The following TRIO variants were observed in gnomAD, a reference collection of about 807,000 sequenced individuals.
The protein encoded by TRIO is triple functional domain protein.
TRIO carries 58 observed loss-of-function variants against 351.9 expected under a neutral mutation model. The observed-to-expected ratio is 0.16, with a 90% CI of 0.13 to 0.21. The LOEUF is 0.21. TRIO is among the 10% of genes least tolerant of loss of function. The probability of loss-of-function intolerance (pLI) is 1.00; values close to 1 mark genes in which losing one functional copy is unlikely to be tolerated. For synonymous variants in TRIO, 1,758 were observed against 1,595.7 expected (o/e 1.10, Z -2.42); for missense variants, 3,201 against 4,027.8 (o/e 0.79, Z 5.56).
chr5:14,219,484 G>A (rs927618886), intron 1 of TRIO, among the ~76,000 whole-genome samples: 4 of 152,334 alleles, frequency 2.6e-5, no homozygotes, highest in Admixed American at 2.0e-4. Context: ...CCGCGTGTTT[G>A]GATGGCTCTA....
chr5:14,466,645 C>T (rs1754282769), intron 37 of TRIO, among the ~76,000 whole-genome samples: 1 of 152,234 alleles, frequency 6.6e-6, no homozygotes, highest in Non-Finnish European at 1.5e-5. Flanking sequence ...AGCAGCTCCT[C>T]CCAAAGTAAA....
intron 37 of TRIO, among the ~76,000 whole-genome samples, chr5:14,469,909 A>G (rs1754558127): frequency 6.6e-6 from 1 of 151,992 alleles, no homozygotes; most frequent in Non-Finnish European, 1.5e-5. Context: ...GTTTTTTCTC[A>G]CTGTTCAAAT....
Position 14,291,142 on chromosome 5 carries a change from C to A in TRIO, c.967C>A (p.Gln323Lys). 1.2e-6 allele frequency: 2 copies of A among 1,614,194 alleles called. No homozygotes were observed. The highest frequency in any genetic ancestry group is 8.5e-7 in the Non-Finnish European group (1 of 1,180,038). ...TMLDRLHSTR[Q>K]HLHQMWHVRK... is the part of the protein sequence containing the mutation. ...GCTGGACCGGCTGCACTCGACACGG[C>A]AGCATCTGCACCAGATGTGGCATGT... is the stretch of plus-strand genomic sequence containing the variant. The change falls in exon 5 of 57, where the codon CAG (glutamine) becomes AAG (lysine). Residue 323 changes from glutamine (Q) to lysine (K), a missense_variant. Physicochemically the swap from Gln to Lys is moderately conservative, Grantham distance 53. Coordinates refer to ENST00000344204, the MANE Select transcript of TRIO (RefSeq NM_007118.4).
intron 47 of TRIO, among the ~76,000 whole-genome samples, chr5:14,485,981 T>C (rs879324613): frequency 6.6e-6 from 1 of 150,834 alleles, no homozygotes; most frequent in Non-Finnish European, 1.5e-5. Flanking sequence ...AGAGTGAAAC[T>C]CTGTCTCAAA....
intron 30 of TRIO, 112 bp downstream of exon 30, chr5:14,399,182 A>C (rs1747859222): frequency 1.9e-6 from 2 of 1,036,544 alleles, no homozygotes; most frequent in Admixed American, 4.1e-5. Context: ...TCTGTCCTGA[A>C]ATGTTCAAGT....
chr5:14,478,773 G>A (rs1339350120), intron 41 of TRIO, among the ~76,000 whole-genome samples: 1 of 138,656 alleles, frequency 7.2e-6, no homozygotes, highest in Non-Finnish European at 1.5e-5. Flanking sequence ...GAAAAAGCAG[G>A]ACTCCATCCC....
At chr5:14,400,622 C>T (rs988947760) in intron 30 of TRIO, among the ~76,000 whole-genome samples, 3 of 152,200 alleles carry the variant, frequency 2.0e-5, no homozygotes, top group Non-Finnish European at 4.4e-5. Context: ...AGGAAAGACT[C>T]ATTTTGCAGT....
intron 48 of TRIO, among the ~76,000 whole-genome samples, chr5:14,490,589 G>T (rs1756411339): frequency 6.6e-6 from 1 of 152,228 alleles, no homozygotes. Context: ...CTCCAGCCCT[G>T]CCTTTCTTGC....
chr5:14,271,552 G>C (rs1379175899), intron 2 of TRIO, among the ~76,000 whole-genome samples: 1 of 152,146 alleles, frequency 6.6e-6, no homozygotes, highest in Non-Finnish European at 1.5e-5. Context: ...GGCCGTTTTG[G>C]ACTGTCTTCT....
At chr5:14,419,616 T>G (rs1473087611) in intron 33 of TRIO, among the ~76,000 whole-genome samples, 162 bp from the exon 34 acceptor site, 1 of 152,064 alleles carries the variant, frequency 6.6e-6, no homozygotes, top group Non-Finnish European at 1.5e-5. Flanking sequence ...TTATGAAAAA[T>G]CATATTTTCA....
chr5:14,330,646 A>C, intron 9 of TRIO, 132 bp from the exon 10 acceptor site: 1 of 1,135,854 alleles, frequency 8.8e-7, no homozygotes, highest in Non-Finnish European at 1.2e-6. Flanking sequence ...ACTTCTTCCC[A>C]TTTTTTTTTC....
At chr5:14,422,581 G>A (rs1750264786) in intron 34 of TRIO, among the ~76,000 whole-genome samples, 1 of 152,218 alleles carries the variant, frequency 6.6e-6, no homozygotes, top group Non-Finnish European at 1.5e-5. Context: ...ATCATGATGA[G>A]CCGTGCTCAG....
At chr5:14,485,047 A>G (rs757665151) in intron 46 of TRIO, 22 bp from the exon 47 acceptor site, 24 of 1,519,214 alleles carry the variant, frequency 1.6e-5, no homozygotes, top group Non-Finnish European at 2.0e-5. Flanking sequence ...GCTATTATGA[A>G]TAATGTTTTT....
Position 14,280,308 on chromosome 5 carries a change from T to C in TRIO, c.233-14T>C. ...ATCTTGTGTCTAAGTGTATTCCTAA[T>C]GTTTGTTTTTTAGGTGGGAGAGATA... On this transcript the variant is annotated splice_polypyrimidine_tract_variant and intron_variant, in intron 2 of 56. Transcript: ENST00000344204. 6.2e-7 allele frequency: 1 copy of C among 1,609,222 alleles called. No homozygotes were observed. The highest frequency in any genetic ancestry group is 8.5e-7 in the Non-Finnish European group (1 of 1,175,448).
chr5:14,377,095 C>T (rs1454945911), intron 19 of TRIO, among the ~76,000 whole-genome samples: 1 of 151,242 alleles, frequency 6.6e-6, no homozygotes, highest in African/African-American at 2.4e-5. Context: ...TTTGTCTGTG[C>T]ACCAGTTTTT....
chr5:14,322,465 A>G (rs577025308), intron 9 of TRIO, among the ~76,000 whole-genome samples: 1 of 152,350 alleles, frequency 6.6e-6, no homozygotes, highest in Non-Finnish European at 1.5e-5. Flanking sequence ...GCTGAATTCC[A>G]TCTGGAGGAG....
intron 1 of TRIO, among the ~76,000 whole-genome samples, chr5:14,228,738 A>G (rs1166672521): frequency 6.6e-6 from 1 of 152,214 alleles, no homozygotes; most frequent in Non-Finnish European, 1.5e-5. Context: ...TTAGAAAAAA[A>G]GGCTTTCTGT....
intron 1 of TRIO, among the ~76,000 whole-genome samples, chr5:14,196,550 TG>T (rs1415516922): frequency 6.6e-6 from 1 of 152,106 alleles, no homozygotes; most frequent in Non-Finnish European, 1.5e-5. Flanking sequence ...ACACATCATA[TG>T]TGAAATGGAG....
chr5:14,316,456 G>A, intron 8 of TRIO, 57 bp from the exon 9 acceptor site: 3 of 1,580,826 alleles, frequency 1.9e-6, no homozygotes, highest in African/African-American at 2.7e-5. Context: ...AGCATCTGTG[G>A]CACAGCCTAG....
Sources: allele counts gnomAD v4.1 joint callset (sites outside exome capture counted in the v4.1 genomes callset), GRCh38; gene constraint gnomAD v4.1.1; transcripts MANE v1.5; gene names NCBI Gene and HGNC (gene_info 2026-07-23, HGNC 2026-07-21).